Variants in NELL1 observed in about 807,000 individuals in gnomAD.
NELL1 encodes the protein protein kinase C-binding protein NELL1.
In NELL1, 76 loss-of-function variants were observed where a neutral mutation model predicts 107.4. The observed-to-expected ratio is 0.71, with a 90% confidence interval of 0.59 to 0.86. NELL1 has a LOEUF of 0.86. Ranked by LOEUF, NELL1 falls within the 40% of genes least tolerant of loss-of-function variation. NELL1 has a pLI of 0.00. For synonymous variants in NELL1, 353 were observed against 341.2 expected (o/e 1.03, Z -0.38); for missense variants, 1,024 against 1,005.5 (o/e 1.02, Z -0.25).
At chr11:21,353,138 A>G (rs1433189479) in intron 14 of NELL1, among the ~76,000 whole-genome samples, 1 of 152,152 alleles carries the variant, frequency 6.6e-6, no homozygotes, top group Non-Finnish European at 1.5e-5. Flanking sequence ...TAGTCAGACA[A>G]GGCATCTTGC....
At chr11:20,990,013 A>C (rs1851938345) in intron 12 of NELL1, among the ~76,000 whole-genome samples, 1 of 148,244 alleles carries the variant, frequency 6.7e-6, no homozygotes, top group African/African-American at 2.5e-5. Context: ...AAAAAAAAAG[A>C]AATTCCAGTC....
chr11:20,739,219 T>G (rs1855831825), intron 2 of NELL1, among the ~76,000 whole-genome samples: 1 of 152,186 alleles, frequency 6.6e-6, no homozygotes, highest in Admixed American at 6.5e-5. Context: ...AGAGCTCTGC[T>G]AAAATCGTGG....
At chr11:20,927,515 G>A in intron 8 of NELL1, 73 bp downstream of exon 8, 5 of 1,402,192 alleles carry the variant, frequency 3.6e-6, no homozygotes, top group Non-Finnish European at 4.9e-6. Context: ...AGTGTAACCT[G>A]GTTCTTTAAT....
rs1857662427 is a variant in NELL1, at chr11:20,818,065, GT to G, written c.336-29515del. On this transcript the variant is annotated intron_variant, in intron 3 of 19. Transcript: ENST00000357134. The stretch of plus-strand genomic sequence containing the variant: ...CAGATGAGAAAAATGTATATTCTGT[GT>G]TTGATGGATGGAGTATTCTATAGAT... Among the ~76,000 whole-genome samples, 5 of 152,192 alleles carry G rather than the reference GT, an allele frequency of 3.3e-5. No homozygotes were observed. The South Asian group carries it at 1.0e-3, about 32-fold the overall frequency.
At chr11:21,409,351 T>C (rs1348540468) in intron 15 of NELL1, among the ~76,000 whole-genome samples, 2 of 152,016 alleles carry the variant, frequency 1.3e-5, no homozygotes, top group African/African-American at 2.4e-5. Flanking sequence ...AAACACTGCA[T>C]GTTCTCACTC....
chr11:21,147,341 C>G (rs1204516425), intron 13 of NELL1, among the ~76,000 whole-genome samples: 2 of 152,018 alleles, frequency 1.3e-5, no homozygotes, highest in Non-Finnish European at 2.9e-5. Context: ...CCGCATTCCC[C>G]AAATTTGTTT....
chr11:20,681,080 A>T (rs1854179518), intron 2 of NELL1, among the ~76,000 whole-genome samples: 1 of 152,050 alleles, frequency 6.6e-6, no homozygotes, highest in Admixed American at 6.6e-5. Flanking sequence ...CTTCCAAGGC[A>T]CTCTCAAAAA....
chr11:21,528,170 A>G (rs1046848749), intron 15 of NELL1, among the ~76,000 whole-genome samples: 3 of 152,188 alleles, frequency 2.0e-5, no homozygotes, highest in African/African-American at 7.2e-5. Context: ...GATAAATATC[A>G]CTTGCCTAAT....
In NELL1 at chr11:21,131,827, C is replaced by A. The variant is rs535779984; in HGVS notation, c.1426+18113C>A. Among the ~76,000 whole-genome samples, 4 of 152,236 alleles carry A rather than the reference C, an allele frequency of 2.6e-5. No individual in the cohort carries two copies. The South Asian group carries it at 8.3e-4, about 32-fold the overall frequency. ...GTGGTGTTTGTTTTGCTGAATATTG[C>A]ATGTAACTTTTGCATACTGACTCAG... is the stretch of plus-strand genomic sequence containing the variant. On this transcript the variant is annotated intron_variant, in intron 13 of 19. Transcript: ENST00000357134.
intron 2 of NELL1, among the ~76,000 whole-genome samples, chr11:20,685,787 G>A (rs1031871891): frequency 1.3e-5 from 2 of 152,066 alleles, no homozygotes; most frequent in South Asian, 4.1e-4. Context: ...TAACCCAGAA[G>A]TAGATTAGGA....
chr11:21,373,332 G>T (rs1455036556), intron 15 of NELL1, among the ~76,000 whole-genome samples: 1 of 152,034 alleles, frequency 6.6e-6, no homozygotes, highest in Non-Finnish European at 1.5e-5. Context: ...CATTAAATAA[G>T]TCTATTTGCC....
chr11:21,043,678 A>G (rs72941928), intron 12 of NELL1, among the ~76,000 whole-genome samples: 4,089 of 152,272 alleles, frequency 0.027, 105 homozygotes, highest in East Asian at 0.11. Flanking sequence ...ATGCCAGGGA[A>G]GCTTCTCCAG....
At chr11:21,363,846 C>T (rs1041802162) in intron 14 of NELL1, among the ~76,000 whole-genome samples, 1 of 152,138 alleles carries the variant, frequency 6.6e-6, no homozygotes, top group African/African-American at 2.4e-5. Context: ...AAGAATCTCA[C>T]AGTCTGGTTA....
intron 3 of NELL1, among the ~76,000 whole-genome samples, chr11:20,798,910 G>A (rs1281142735): frequency 7.7e-6 from 1 of 129,478 alleles, no homozygotes; most frequent in African/African-American, 2.6e-5. Flanking sequence ...TTCTTTAGCA[G>A]CGAAGGTGTG....
intron 13 of NELL1, among the ~76,000 whole-genome samples, chr11:21,160,774 T>G (rs1301661708): frequency 6.6e-6 from 1 of 152,304 alleles, no homozygotes; most frequent in Non-Finnish European, 1.5e-5. Flanking sequence ...ACTTATACAT[T>G]ACTATTTCCA....
intron 15 of NELL1, among the ~76,000 whole-genome samples, chr11:21,410,499 A>G (rs1852349417): frequency 6.6e-6 from 1 of 151,888 alleles, no homozygotes; most frequent in Non-Finnish European, 1.5e-5. Context: ...TCTTTTTTAC[A>G]TTTCCTTTTC....
chr11:20,675,029 G>A (rs1160006120), intron 1 of NELL1, among the ~76,000 whole-genome samples: 1 of 152,202 alleles, frequency 6.6e-6, no homozygotes, highest in Non-Finnish European at 1.5e-5. Context: ...GCATTTGGCT[G>A]GGCTTGGTTT....
At chr11:20,696,556 C>T (rs1021689875) in intron 2 of NELL1, among the ~76,000 whole-genome samples, 8 of 152,120 alleles carry the variant, frequency 5.3e-5, no homozygotes, top group African/African-American at 1.9e-4. Context: ...TAAATGATGT[C>T]TATCTAGAAG....
intron 14 of NELL1, 98 bp from the exon 15 acceptor site, chr11:21,370,755 A>G: frequency 1.2e-6 from 1 of 861,530 alleles, no homozygotes; most frequent in Admixed American, 2.1e-5. Flanking sequence ...TGTATTCCCT[A>G]TGCAACAAAG....
Sources: allele counts gnomAD v4.1 joint callset (sites outside exome capture counted in the v4.1 genomes callset), GRCh38; gene constraint gnomAD v4.1.1; transcripts MANE v1.5; gene names NCBI Gene and HGNC (gene_info 2026-07-23, HGNC 2026-07-21).